The following ZCCHC7 variants were observed in gnomAD, a reference collection of about 807,000 sequenced individuals.
ZCCHC7 encodes zinc finger CCHC-type containing 7, also known as zinc finger CCHC domain-containing protein 7.
ZCCHC7 carries 35 observed loss-of-function variants against 52.0 expected under a neutral mutation model. That is an observed-to-expected ratio of 0.67 (90% CI 0.51 to 0.89). ZCCHC7 has a LOEUF of 0.89. Ranked by LOEUF, ZCCHC7 falls within the 40% of genes least tolerant of loss-of-function variation. The pLI, the probability that ZCCHC7 is intolerant of heterozygous loss-of-function variation, is 0.00. For synonymous variants in ZCCHC7, 217 were observed against 221.5 expected (o/e 0.98, Z 0.18); for missense variants, 574 against 649.1 (o/e 0.88, Z 1.26).
At chr9:37,161,035 C>A (rs963410069) in intron 2 of ZCCHC7, among the ~76,000 whole-genome samples, 4 of 151,528 alleles carry the variant, frequency 2.6e-5, no homozygotes, top group African/African-American at 7.3e-5. Context: ...CTGCACTCTC[C>A]ACCTCCTGGG....
intron 2 of ZCCHC7, among the ~76,000 whole-genome samples, chr9:37,192,798 A>G (rs1237959243): frequency 2.0e-5 from 3 of 152,218 alleles, no homozygotes; most frequent in African/African-American, 7.2e-5. Flanking sequence ...TTTCCTGATT[A>G]CCACTTATAG....
At chr9:37,187,967 G>T (rs1181971320) in intron 2 of ZCCHC7, among the ~76,000 whole-genome samples, 6 of 151,900 alleles carry the variant, frequency 3.9e-5, no homozygotes, top group African/African-American at 1.2e-4. Flanking sequence ...TTCTAATTTT[G>T]TTACTTTGTG....
chr9:37,211,621 G>T (rs1273924859), intron 2 of ZCCHC7, among the ~76,000 whole-genome samples: 3 of 152,038 alleles, frequency 2.0e-5, no homozygotes, highest in Non-Finnish European at 2.9e-5. Context: ...TTAATTATGT[G>T]ATATTATTTT....
intron 2 of ZCCHC7, among the ~76,000 whole-genome samples, chr9:37,259,522 G>A (rs1564208028): frequency 6.6e-6 from 1 of 152,132 alleles, no homozygotes; most frequent in Non-Finnish European, 1.5e-5. Context: ...TTTGAGGACA[G>A]GCCTTGTACT....
At chr9:37,294,748 T>A (rs2133653543) in intron 2 of ZCCHC7, among the ~76,000 whole-genome samples, 1 of 152,312 alleles carries the variant, frequency 6.6e-6, no homozygotes, top group East Asian at 1.9e-4. Context: ...TTTCTGATAT[T>A]ATTCATAGTA....
chr9:37,190,441 C>T (rs1822960392), intron 2 of ZCCHC7, among the ~76,000 whole-genome samples: 1 of 152,138 alleles, frequency 6.6e-6, no homozygotes, highest in Admixed American at 6.5e-5. Flanking sequence ...GAGTCTAGGG[C>T]AGGAGATACT....
At chr9:37,303,786 C>T (rs1382566561) in intron 3 of ZCCHC7, among the ~76,000 whole-genome samples, 1 of 150,948 alleles carries the variant, frequency 6.6e-6, no homozygotes, top group African/African-American at 2.4e-5. Context: ...GCCTCAGCCT[C>T]CCAAGTAGCT....
rs1821777088 is a variant in ZCCHC7, at chr9:37,357,367, G to T, written c.*99G>T. The T allele has an allele frequency of 7.3e-6, 9 of 1,228,206 alleles. No individual in the cohort carries two copies. The highest frequency in any genetic ancestry group is 8.7e-6 in the Non-Finnish European group (8 of 914,458). 76.1% of individuals were successfully genotyped at this position (1,228,206 alleles called of 1,614,324 possible). On this transcript the variant is annotated 3_prime_UTR_variant, in exon 9 of 9. Coordinates refer to ENST00000336755, the MANE Select transcript of ZCCHC7 (RefSeq NM_032226.3). ...TTTATTATCTATGATTAAATAAAGT[G>T]AGTTTTTGGTTTTGTTTTTTTAATT... is the stretch of plus-strand genomic sequence containing the variant.
At chr9:37,133,910 G>A (rs909360571) in intron 2 of ZCCHC7, among the ~76,000 whole-genome samples, 1 of 152,110 alleles carries the variant, frequency 6.6e-6, no homozygotes, top group African/African-American at 2.4e-5. Flanking sequence ...TTTTAGTAGA[G>A]TTGGGGTTTC....
At chr9:37,356,758 A>T in intron 8 of ZCCHC7, 77 bp from the exon 9 acceptor site, 3 of 1,336,790 alleles carry the variant, frequency 2.2e-6, no homozygotes, top group Non-Finnish European at 3.1e-6. Flanking sequence ...CCTGTCTGTT[A>T]AGTTATTTAC....
At chr9:37,265,444 C>G (rs1175190907) in intron 2 of ZCCHC7, among the ~76,000 whole-genome samples, 1 of 152,190 alleles carries the variant, frequency 6.6e-6, no homozygotes, top group African/African-American at 2.4e-5. Flanking sequence ...CAATCCAGTT[C>G]AACCAACTTG....
rs539473376 is a variant in ZCCHC7, at chr9:37,128,202, G to A, written c.610+1260G>A. 6.4e-4 allele frequency among the ~76,000 whole-genome samples: 97 copies of A among 152,332 alleles called. 1 individual carries two copies. The highest frequency in any genetic ancestry group is 2.2e-3 in the African/African-American group (92 of 41,574). On this transcript the variant is annotated intron_variant, in intron 2 of 8. Transcript: ENST00000336755. ...GTTAGAGATAGGATCAGGTGTATGT[G>A]TTGTTGAATTATTCCTAAAAAGGAA...
intron 2 of ZCCHC7, among the ~76,000 whole-genome samples, chr9:37,285,063 G>A (rs369368723): frequency 2.0e-5 from 3 of 152,130 alleles, no homozygotes; most frequent in Admixed American, 6.5e-5. Context: ...TTGGAGGGGA[G>A]CGTTTCATTT....
intron 2 of ZCCHC7, among the ~76,000 whole-genome samples, chr9:37,207,810 TA>T (rs1191584456): frequency 6.6e-6 from 1 of 152,174 alleles, no homozygotes; most frequent in Non-Finnish European, 1.5e-5. Flanking sequence ...TCCATTGCTT[TA>T]AAAAAATAAT....
At chr9:37,231,882 T>G (rs1343979202) in intron 2 of ZCCHC7, among the ~76,000 whole-genome samples, 1 of 152,206 alleles carries the variant, frequency 6.6e-6, no homozygotes, top group South Asian at 2.1e-4. Context: ...CTCAGTGTTT[T>G]GGGTCTTTTA....
intron 2 of ZCCHC7, among the ~76,000 whole-genome samples, chr9:37,159,035 CTGTT>C (rs79583770): frequency 0.13 from 19,378 of 152,114 alleles, 1,606 homozygotes; most frequent in Non-Finnish European, 0.17. Flanking sequence ...ATTGGCTTGT[CTGTT>C]TGGGGCACAA....
intron 6 of ZCCHC7, among the ~76,000 whole-genome samples, chr9:37,347,789 G>A (rs932730538): frequency 6.6e-6 from 1 of 152,168 alleles, no homozygotes; most frequent in African/African-American, 2.4e-5. Context: ...AATTTTCACA[G>A]TAAGGTTATC....
At chr9:37,147,491 G>A (rs1588377808) in intron 2 of ZCCHC7, 1 of 150,970 alleles carries the variant, frequency 6.6e-6, no homozygotes, top group Non-Finnish European at 1.5e-5. Context: ...AAGAGTGGGG[G>A]GAAAAAACAA....
chr9:37,291,398 A>G (rs559175193), intron 2 of ZCCHC7, among the ~76,000 whole-genome samples: 2 of 151,860 alleles, frequency 1.3e-5, no homozygotes, highest in South Asian at 4.2e-4. Flanking sequence ...ATAGTTACTC[A>G]TTCAACAGAA....
Sources: gnomAD v4.1 joint callset for allele counts (sites outside exome capture counted in the v4.1 genomes callset) on GRCh38, gnomAD v4.1.1 for gene constraint, MANE v1.5 for transcripts, NCBI Gene and HGNC (gene_info 2026-07-23, HGNC 2026-07-21) for gene names.